The following PHKB variants were observed in gnomAD, a reference collection of about 807,000 sequenced individuals.
The protein encoded by PHKB is phosphorylase b kinase regulatory subunit beta.
PHKB carries 122 observed loss-of-function variants against 152.1 expected under a neutral mutation model. The ratio of observed to expected loss-of-function variants is 0.80; its 90% CI spans 0.69 to 0.93. The LOEUF is 0.93. PHKB is among the 40% of genes least tolerant of loss of function. The pLI is 0.00. For synonymous variants in PHKB, 436 were observed against 464.9 expected, an observed-to-expected ratio of 0.94 and a Z score of 0.80; for missense variants, 1,304 against 1,328.4, an observed-to-expected ratio of 0.98 and a Z score of 0.29.
intron 14 of PHKB, among the ~76,000 whole-genome samples, chr16:47,618,128 G>A (rs1972552500): frequency 6.6e-6 from 1 of 152,182 alleles, no homozygotes; most frequent in African/African-American, 2.4e-5. Context: ...GCAGCACTTT[G>A]GTGATACTCT....
chr16:47,554,803 G>C lies in PHKB; in HGVS notation c.710+7255G>C, dbSNP rs568042138. 3.9e-5 allele frequency among the ~76,000 whole-genome samples: 6 copies of C among 152,304 alleles called. No homozygotes were observed. In the East Asian group the frequency reaches 1.2e-3, roughly 29 times the overall value. ...CTGAAGCCTTGCATTTCCTGGGAGA[G>C]GCGACGCCCCACCCTGCTTCAGCTC... On this transcript the variant is annotated intron_variant, in intron 7 of 30. Transcript: ENST00000323584.
rs1478566531 is a variant in PHKB at position 47,701,416 on chromosome 16, T to C, written c.*2050T>C. 1.3e-5 allele frequency: 2 copies of C among 152,248 alleles called. No homozygotes were observed. The highest frequency in any genetic ancestry group is 2.9e-5 in the Non-Finnish European group (2 of 68,038). The allele number at this position is 152,248 out of a possible 1,614,324, so 9.4% of individuals were successfully genotyped here. ...TTCTGAAGTTTTCCTGTGCTACTCC[T>C]GAAAGCATTCAGAATCTGTGACACG... On this transcript the variant is annotated 3_prime_UTR_variant, in exon 31 of 31. Coordinates refer to ENST00000323584, the MANE Select transcript of PHKB (RefSeq NM_000293.3).
At chr16:47,538,004 C>T (rs1172406046) in intron 6 of PHKB, among the ~76,000 whole-genome samples, 1 of 152,040 alleles carries the variant, frequency 6.6e-6, no homozygotes, top group Non-Finnish European at 1.5e-5. Context: ...GCAATCTTCC[C>T]ACCTCAGCCT....
intron 7 of PHKB, chr16:47,566,973 G>A (rs1383082852): frequency 3.9e-5 from 20 of 507,834 alleles, no homozygotes; most frequent in Non-Finnish European, 7.1e-5. Context: ...GTCTATTTTT[G>A]TACTGTTTTA....
intron 4 of PHKB, among the ~76,000 whole-genome samples, chr16:47,505,917 C>T (rs778372837): frequency 2.6e-5 from 4 of 150,990 alleles, no homozygotes; most frequent in Non-Finnish European, 5.9e-5. Flanking sequence ...CCCATAGTCC[C>T]ACCTGCTCAG....
chr16:47,466,442 G>A (rs751231514), intron 1 of PHKB, among the ~76,000 whole-genome samples: 2 of 152,168 alleles, frequency 1.3e-5, no homozygotes, highest in Non-Finnish European at 2.9e-5. Context: ...TGGAATAATG[G>A]TTATAGCATA....
intron 1 of PHKB, among the ~76,000 whole-genome samples, chr16:47,484,927 T>G (rs1198979121): frequency 6.6e-6 from 1 of 152,178 alleles, no homozygotes; most frequent in Admixed American, 6.5e-5. Context: ...CTTTCCCTAG[T>G]GGTAATCATT....
chr16:47,486,690 T>C (rs1970055255), intron 1 of PHKB, among the ~76,000 whole-genome samples: 1 of 152,184 alleles, frequency 6.6e-6, no homozygotes, highest in African/African-American at 2.4e-5. Context: ...ACCCGGAATA[T>C]ACAAACCTCA....
intron 25 of PHKB, among the ~76,000 whole-genome samples, chr16:47,667,358 C>T (rs1973557560): frequency 6.6e-6 from 1 of 151,974 alleles, no homozygotes; most frequent in African/African-American, 2.4e-5. Flanking sequence ...TTGCTTGAGC[C>T]CAAGAGTTTG....
chr16:47,606,500 C>T (rs1256529179), intron 13 of PHKB, among the ~76,000 whole-genome samples: 1 of 152,154 alleles, frequency 6.6e-6, no homozygotes, highest in Non-Finnish European at 1.5e-5. Context: ...TTATAGCTTA[C>T]ATGCAGTAAA....
intron 17 of PHKB, 74 bp from the exon 18 acceptor site, chr16:47,649,026 T>G (rs1973185770): frequency 1.2e-6 from 1 of 818,634 alleles, no homozygotes; most frequent in African/African-American, 1.7e-5. Flanking sequence ...TTATTTTTAT[T>G]GAGACTTACA....
At position 47,596,507 on chromosome 16, in the gene PHKB, C is replaced by T; in HGVS notation, c.1339C>T (p.Leu447Phe). The T allele has an allele frequency of 6.2e-7, 1 of 1,613,856 alleles. No individual in the cohort carries two copies. Among genetic ancestry groups the T allele is most frequent in the South Asian group, 1.1e-5 (1 of 91,068 alleles). Residue 447 changes from leucine (L) to phenylalanine (F), a missense_variant, in exon 13 of 31, where the codon CTT (leucine) becomes TTT (phenylalanine). By Grantham distance (22) the Leu-to-Phe change is conservative. Transcript: ENST00000323584. ...DGKLFLWGQA[L>F]YIIAKLLADE... ...AAAACTGTTTCTTTGGGGACAAGCA[C>T]TTTATATCATCGCAAAACTCCTGGG... is the stretch of plus-strand genomic sequence containing the variant.
At chr16:47,476,398 CAGTA>C (rs1969869133) in intron 1 of PHKB, among the ~76,000 whole-genome samples, 1 of 152,030 alleles carries the variant, frequency 6.6e-6, no homozygotes, top group African/African-American at 2.4e-5. Context: ...TGGAAATACA[CAGTA>C]AGGCTCAATT....
chr16:47,657,859 G>A (rs767827213), intron 20 of PHKB, among the ~76,000 whole-genome samples: 4 of 151,842 alleles, frequency 2.6e-5, no homozygotes, highest in Admixed American at 6.6e-5. Context: ...AAATCCTATT[G>A]TCTCTATCCT....
intron 13 of PHKB, among the ~76,000 whole-genome samples, chr16:47,597,345 C>T (rs1261786823): frequency 1.3e-5 from 2 of 152,042 alleles, no homozygotes; most frequent in African/African-American, 2.4e-5. Flanking sequence ...TAATCATCTT[C>T]GGTTTTTAAA....
At chr16:47,559,066 G>A (rs1971431958) in intron 7 of PHKB, among the ~76,000 whole-genome samples, 1 of 152,214 alleles carries the variant, frequency 6.6e-6, no homozygotes, top group South Asian at 2.1e-4. Context: ...GTAGGAGGAA[G>A]TTTTATGGTA....
chr16:47,638,623 T>C lies in PHKB; in HGVS notation c.1459-2412T>C, dbSNP rs1365763880. Among the ~76,000 whole-genome samples, 4 of 152,358 alleles carry C rather than the reference T, an allele frequency of 2.6e-5. No homozygotes were observed. The East Asian group carries it at 7.7e-4, about 29-fold the overall frequency. Reference sequence around the variant, plus strand: ...ATGAGGTAGATCTGCCAAAGAAAGATACCAGTAAAATACTTTTACGTGATA... The same window carrying C: ...ATGAGGTAGATCTGCCAAAGAAAGACACCAGTAAAATACTTTTACGTGATA... On this transcript the variant is annotated intron_variant, in intron 14 of 30. Coordinates refer to ENST00000323584, the MANE Select transcript of PHKB (RefSeq NM_000293.3).
At chr16:47,546,999 G>A (rs1327504700) in intron 6 of PHKB, among the ~76,000 whole-genome samples, 2 of 152,146 alleles carry the variant, frequency 1.3e-5, no homozygotes, top group South Asian at 2.1e-4. Context: ...AATTTTTCTG[G>A]TACAGTCTGT....
At position 47,696,431 on chromosome 16, in the gene PHKB, T is replaced by G. The variant is rs1279426335; in HGVS notation, c.2946T>G (p.Leu982=). The part of the protein sequence containing the change: ...MTMYEMNFSL[L]VEDTLGNIDQ... ...TGTATGAGATGAATTTCTCTCTCCT[T>G]GTTGAAGACACGTTGGGAAATATTG... is the stretch of plus-strand genomic sequence containing the variant. Residue 982 remains leucine (L), a synonymous_variant, in exon 29 of 31, where the codon CTT becomes CTG. Transcript: ENST00000323584. 6.2e-7 allele frequency: 1 copy of G among 1,612,300 alleles called. No individual in the cohort carries two copies. Among genetic ancestry groups the G allele is most frequent in the Non-Finnish European group, 8.5e-7 (1 of 1,178,416 alleles).
Sources: gnomAD v4.1 joint callset for allele counts (sites outside exome capture counted in the v4.1 genomes callset) on GRCh38, gnomAD v4.1.1 for gene constraint, MANE v1.5 for transcripts, NCBI Gene and HGNC (gene_info 2026-07-23, HGNC 2026-07-21) for gene names.